Variants in PCDHA2 observed in about 807,000 individuals in gnomAD.
The protein encoded by PCDHA2 is protocadherin alpha 2.
Under a neutral mutation model 66.0 loss-of-function variants are expected in PCDHA2, and 58 were observed. The ratio of observed to expected loss-of-function variants is 0.88; its 90% CI spans 0.71 to 1.09. The LOEUF (loss-of-function observed/expected upper bound fraction) is 1.09. Ranked by LOEUF, PCDHA2 falls within the 50% of genes least tolerant of loss-of-function variation. The probability of loss-of-function intolerance (pLI) is 0.00; values close to 1 mark genes in which losing one functional copy is unlikely to be tolerated. For synonymous variants in PCDHA2, 634 were observed against 554.0 expected, an observed-to-expected ratio of 1.14 and a Z score of -2.03; for missense variants, 1,267 against 1,242.3, an observed-to-expected ratio of 1.02 and a Z score of -0.30.
chr5:141,010,612 A>C lies in PCDHA2; in HGVS notation c.*675A>C. Reference sequence around the variant, plus strand: ...GTTGGCTGTGACGTCATTATACCTAAAATCTGCATCATACCTGCAAGCCAA... The same window carrying C: ...GTTGGCTGTGACGTCATTATACCTACAATCTGCATCATACCTGCAAGCCAA... On this transcript the variant is annotated 3_prime_UTR_variant, in exon 4 of 4. Transcript: ENST00000526136. 1 of 196,976 alleles carries C rather than the reference A, an allele frequency of 5.1e-6. No individual in the cohort carries two copies. The highest frequency in any genetic ancestry group is 1.0e-5 in the Non-Finnish European group (1 of 95,484). 12.2% of individuals were successfully genotyped at this position (196,976 alleles called of 1,614,324 possible). A position where few individuals can be genotyped will look rare whatever the true frequency, so the allele number is the denominator to read the frequency against.
rs1217280072 is a variant in PCDHA2 at position 140,819,168 on chromosome 5, A to G, written c.2388+21816A>G. ...AATTTTTATACAGAATTAATTTTTG[A>G]AGAATCAAATGACATATGTGCATAA... On this transcript the variant is annotated intron_variant, in intron 1 of 3. Coordinates refer to ENST00000526136, the MANE Select transcript of PCDHA2 (RefSeq NM_018905.3). Among the ~76,000 whole-genome samples, 9 of 152,332 alleles carry G rather than the reference A, an allele frequency of 5.9e-5. 1 individual carries two copies. Among genetic ancestry groups the G allele is most frequent in the African/African-American group, 2.2e-4 (9 of 41,590 alleles).
At chr5:140,877,828 C>T (rs781916987) in intron 1 of PCDHA2, 19 of 1,599,838 alleles carry the variant, frequency 1.2e-5, no homozygotes, top group Non-Finnish European at 1.5e-5. Flanking sequence ...TTGTTTAAAT[C>T]CTCCCAGTGA....
chr5:140,883,302 A>T (rs1177736093), intron 1 of PCDHA2: 1 of 1,613,992 alleles, frequency 6.2e-7, no homozygotes, highest in African/African-American at 1.3e-5. Context: ...GATGTAAATG[A>T]TAACGCCCCA....
At chr5:140,906,158 C>G (rs1186216636) in intron 1 of PCDHA2, among the ~76,000 whole-genome samples, 1 of 152,140 alleles carries the variant, frequency 6.6e-6, no homozygotes, top group East Asian at 1.9e-4. Context: ...CACAGACACA[C>G]CCAGGAACAA....
intron 1 of PCDHA2, chr5:140,823,379 G>T (rs2150125184): frequency 6.2e-7 from 1 of 1,612,650 alleles, no homozygotes; most frequent in Non-Finnish European, 8.5e-7. Context: ...TTCCAGGTGA[G>T]CGCGCGCGAC....
intron 1 of PCDHA2, among the ~76,000 whole-genome samples, chr5:140,908,762 C>T (rs962553584): frequency 7.9e-5 from 12 of 152,104 alleles, no homozygotes; most frequent in Admixed American, 2.6e-4. Flanking sequence ...ACAGCCTGGA[C>T]GTGTTGTAGA....
intron 1 of PCDHA2, chr5:140,808,979 G>A: frequency 2.5e-6 from 4 of 1,613,674 alleles, no homozygotes; most frequent in Non-Finnish European, 3.4e-6. Context: ...GCGCGCGGTG[G>A]ATGCTGACTC....
intron 1 of PCDHA2, chr5:140,843,780 GT>G: frequency 7.0e-7 from 1 of 1,429,410 alleles, no homozygotes; most frequent in Non-Finnish European, 9.6e-7. Context: ...CTTTAAAAGT[GT>G]TTCAGATTTA....
intron 1 of PCDHA2, among the ~76,000 whole-genome samples, chr5:140,837,516 C>G (rs1775087693): frequency 1.3e-5 from 2 of 151,568 alleles, no homozygotes; most frequent in Admixed American, 6.6e-5. Flanking sequence ...AAGCAGTTTA[C>G]TTTTTTTGTA....
chr5:140,918,006 TG>T (rs1358735901), intron 1 of PCDHA2, among the ~76,000 whole-genome samples: 6 of 152,208 alleles, frequency 3.9e-5, no homozygotes, highest in Non-Finnish European at 7.3e-5. Flanking sequence ...TTAACAATGT[TG>T]TTTCTTCCTA....
At chr5:140,861,115 A>G (rs1466747567) in intron 1 of PCDHA2, 1 of 152,586 alleles carries the variant, frequency 6.6e-6, no homozygotes, top group Non-Finnish European at 1.5e-5. Context: ...AAAACTACAA[A>G]CACCCATTAA....
chr5:140,945,246 G>A (rs1257337219), intron 1 of PCDHA2, among the ~76,000 whole-genome samples: 1 of 151,864 alleles, frequency 6.6e-6, no homozygotes, highest in African/African-American at 2.4e-5. Context: ...TTAACCAAGA[G>A]GATGAAAGAC....
chr5:140,894,956 A>T (rs2064745767), intron 1 of PCDHA2, among the ~76,000 whole-genome samples: 1 of 152,208 alleles, frequency 6.6e-6, no homozygotes, highest in South Asian at 2.1e-4. Context: ...AATGATAAAA[A>T]TATAATTTTT....
At chr5:140,884,254 G>A (rs1554181387) in intron 1 of PCDHA2, 2 of 1,613,406 alleles carry the variant, frequency 1.2e-6, no homozygotes, top group Admixed American at 1.7e-5. Flanking sequence ...TGACGGCCAC[G>A]GCAACGGTGC....
intron 1 of PCDHA2, chr5:140,835,273 C>T: frequency 6.2e-7 from 1 of 1,610,738 alleles, no homozygotes; most frequent in South Asian, 1.1e-5. Flanking sequence ...CACATGGACC[C>T]CTTAAGTGGG....
intron 1 of PCDHA2, chr5:140,809,533 A>T: frequency 6.2e-7 from 1 of 1,613,948 alleles, no homozygotes; most frequent in Non-Finnish European, 8.5e-7. Flanking sequence ...CTAGGGACAG[A>T]GAAGATCAGC....
At chr5:140,890,248 A>G (rs2062564503) in intron 1 of PCDHA2, among the ~76,000 whole-genome samples, 1 of 152,096 alleles carries the variant, frequency 6.6e-6, no homozygotes, top group Non-Finnish European at 1.5e-5. Context: ...CCAGTACACT[A>G]CTGCACCTGA....
intron 1 of PCDHA2, chr5:140,968,696 A>G (rs1554230980): frequency 6.2e-7 from 1 of 1,614,134 alleles, no homozygotes; most frequent in Non-Finnish European, 8.5e-7. Context: ...AGAAATTAGG[A>G]CTACCAGGAA....
At chr5:140,857,856 A>G in intron 1 of PCDHA2, 1 of 1,597,730 alleles carries the variant, frequency 6.3e-7, no homozygotes, top group Non-Finnish European at 8.6e-7. Context: ...TCTGGATACA[A>G]CGCGTGGCTG....
Sources: gnomAD v4.1 joint callset for allele counts (sites outside exome capture counted in the v4.1 genomes callset) on GRCh38, gnomAD v4.1.1 for gene constraint, MANE v1.5 for transcripts, NCBI Gene and HGNC (gene_info 2026-07-23, HGNC 2026-07-21) for gene names.